The following RNF170 variants were observed in gnomAD, a reference collection of about 807,000 sequenced individuals.
RNF170 encodes the protein ring finger protein 170, also known as E3 ubiquitin-protein ligase RNF170.
RNF170 carries 12 observed loss-of-function variants against 32.7 expected under a neutral mutation model. That is an observed-to-expected ratio of 0.37 (90% CI 0.24 to 0.60). The LOEUF (loss-of-function observed/expected upper bound fraction) is 0.60. RNF170 is among the 20% of genes least tolerant of loss of function. The pLI, the probability that RNF170 is intolerant of heterozygous loss-of-function variation, is 0.72. For missense variants in RNF170, 212 were observed against 311.2 expected, an observed-to-expected ratio of 0.68 and a Z score of 2.40; for synonymous variants, 91 against 103.6, an observed-to-expected ratio of 0.88 and a Z score of 0.74.
intron 2 of RNF170, among the ~76,000 whole-genome samples, chr8:42,886,980 C>T (rs1805878321): frequency 6.6e-6 from 1 of 151,748 alleles, no homozygotes; most frequent in Non-Finnish European, 1.5e-5. Context: ...CTAGCGAAAT[C>T]CTGTCTCTAC....
At chr8:42,890,755 C>T (rs1292004321) in intron 1 of RNF170, among the ~76,000 whole-genome samples, 1 of 152,104 alleles carries the variant, frequency 6.6e-6, no homozygotes, top group Non-Finnish European at 1.5e-5. Context: ...GAAATCCCAA[C>T]AAAAGCCAGG....
rs1411550392 is a variant in RNF170, at chr8:42,876,136, C to T, written c.138-2130G>A. Among the ~76,000 whole-genome samples, 5 of 151,764 alleles carry T rather than the reference C, an allele frequency of 3.3e-5. No individual in the cohort carries two copies. The East Asian group carries it at 5.8e-4, about 18-fold the overall frequency. On this transcript the variant is annotated intron_variant, in intron 2 of 6. Transcript: ENST00000527424. ...CATTTCAGAATACAGACATGAACCACGTGACTGGAAAGCCTCTCCTCTGGC... is the reference window on the plus strand; with the variant it reads ...CATTTCAGAATACAGACATGAACCATGTGACTGGAAAGCCTCTCCTCTGGC...
chr8:42,869,883 A>AC, intron 4 of RNF170, 121 bp downstream of exon 4: 1 of 727,296 alleles, frequency 1.4e-6, no homozygotes, highest in Non-Finnish European at 2.5e-6. Context: ...TATCAGAGGT[A>AC]ATCTACCCTA....
chr8:42,852,267 C>CTTTTCTTG (rs1263290335), downstream of RNF170, among the ~76,000 whole-genome samples: 1 of 152,084 alleles, frequency 6.6e-6, no homozygotes, highest in Admixed American at 6.6e-5. Flanking sequence ...TCCTTGTTCC[C>CTTTTCTTG]TTTTCTTGTT....
chr8:42,876,810 C>G (rs1233270778), intron 2 of RNF170, among the ~76,000 whole-genome samples: 1 of 151,888 alleles, frequency 6.6e-6, no homozygotes, highest in Non-Finnish European at 1.5e-5. Flanking sequence ...TAGCTGCACG[C>G]CACCACACCC....
intron 2 of RNF170, among the ~76,000 whole-genome samples, chr8:42,884,425 T>C (rs80115034): frequency 2.2e-4 from 33 of 152,176 alleles, no homozygotes; most frequent in Non-Finnish European, 3.4e-4. Flanking sequence ...AAATTAAAAT[T>C]TTAATTCTTT....
At chr8:42,885,134 C>A (rs116991899) in intron 2 of RNF170, among the ~76,000 whole-genome samples, 1 of 151,800 alleles carries the variant, frequency 6.6e-6, no homozygotes, top group African/African-American at 2.4e-5. Flanking sequence ...TAAGTGGGAT[C>A]GTGCAGTATT....
chr8:42,864,951 A>G (rs1468198840), intron 5 of RNF170, among the ~76,000 whole-genome samples: 1 of 150,414 alleles, frequency 6.6e-6, no homozygotes, highest in African/African-American at 2.5e-5. Flanking sequence ...GGCCGGGTAC[A>G]GTTTAAAAAA....
Position 42,870,148 on chromosome 8 carries a change from C to T in RNF170, c.214-36G>A, listed in dbSNP as rs372437772. On this transcript the variant is annotated intron_variant, in intron 3 of 6. Coordinates refer to ENST00000527424, the MANE Select transcript of RNF170 (RefSeq NM_030954.4). Reference sequence around the variant, plus strand: ...CACAGGTGCACACATTGGAACACAACACATGTGGCCCTCAACAGTATCTCA... The same window carrying T: ...CACAGGTGCACACATTGGAACACAATACATGTGGCCCTCAACAGTATCTCA... 299 of 1,419,420 alleles carry T rather than the reference C, an allele frequency of 2.1e-4. 2 individuals carry two copies. The highest frequency in any genetic ancestry group is 5.2e-4 in the South Asian group (45 of 86,362). 87.9% of individuals were successfully genotyped at this position (1,419,420 alleles called of 1,614,324 possible).
intron 1 of RNF170, among the ~76,000 whole-genome samples, chr8:42,890,797 A>C (rs1364352657): frequency 2.6e-5 from 4 of 152,126 alleles, no homozygotes; most frequent in Non-Finnish European, 5.9e-5. Flanking sequence ...ATGCCATTTG[A>C]CCTGCTTGTT....
In RNF170 at chr8:42,875,096, C is replaced by T. The variant is rs535316571; in HGVS notation, c.138-1090G>A. Among the ~76,000 whole-genome samples the T allele has an allele frequency of 9.3e-5, 14 of 150,828 alleles. No homozygotes were observed. The East Asian group carries it at 2.2e-3, about 23-fold the overall frequency. On this transcript the variant is annotated intron_variant, in intron 2 of 6. Transcript: ENST00000527424. Reference sequence around the variant, plus strand: ...TGAGGCAGAAGAATCGCTTAAACCCCGGAGGTGGAGGTTGCGGTGATCTGA... The same window carrying T: ...TGAGGCAGAAGAATCGCTTAAACCCTGGAGGTGGAGGTTGCGGTGATCTGA...
chr8:42,855,075 C>A lies in RNF170; in HGVS notation c.*1084G>T, dbSNP rs1033524722. 2.3e-6 allele frequency: 3 copies of A among 1,287,128 alleles called. No individual in the cohort carries two copies. The highest frequency in any genetic ancestry group is 3.0e-6 in the Non-Finnish European group (3 of 988,708). The allele number at this position is 1,287,128 out of a possible 1,614,324, so 79.7% of individuals were successfully genotyped here. On this transcript the variant is annotated 3_prime_UTR_variant, in exon 7 of 7. Transcript: ENST00000527424. ...CGAAGATTCACCTTCCTCAGAAATG[C>A]ATCAGGCTACTCTGTGTTTGCAGCA...
In RNF170 at chr8:42,856,416, T is replaced by A; in HGVS notation, c.520A>T (p.Ile174Phe). The A allele has an allele frequency of 6.2e-7, 1 of 1,611,100 alleles. No homozygotes were observed. Among genetic ancestry groups the A allele is most frequent in the Non-Finnish European group, 8.5e-7 (1 of 1,178,654 alleles). ...SGQPRSIMERIMDLPTLLRHA... is the reference protein window; with the variant it reads ...SGQPRSIMERFMDLPTLLRHA... ...CTCAGTAAAGTGGGTAGATCCATAA[T>A]TCTCTCCATAATCTGGTAGAGGGAA... The change falls in exon 7 of 7, where the codon ATT becomes TTT. Residue 174 changes from isoleucine (I) to phenylalanine (F), a missense_variant. By Grantham distance (21) the Ile-to-Phe change is conservative. Around this residue, in one of 2 missense-constraint regions of RNF170, gnomAD observed 97 missense variants for 178.9 expected, o/e 0.54. Transcript: ENST00000527424.
Position 42,887,860 on chromosome 8 carries a change from G to T in RNF170, c.5C>A (p.Ala2Asp), listed in dbSNP as rs1330018531. 6.2e-7 allele frequency: 1 copy of T among 1,613,514 alleles called. No individual in the cohort carries two copies. The highest frequency in any genetic ancestry group is 1.1e-5 in the South Asian group (1 of 91,070). The change falls in exon 2 of 7, where the codon GCC (alanine) becomes GAC (aspartate). Residue 2 changes from alanine (A) to aspartate (D), a missense_variant. Coordinates refer to ENST00000527424, the MANE Select transcript of RNF170 (RefSeq NM_030954.4). ...ACTTTGAACTTCACCTTGATATTTGGCCATTCCAGGTCTAAAATAAGAAGA... is the reference window on the plus strand; with the variant it reads ...ACTTTGAACTTCACCTTGATATTTGTCCATTCCAGGTCTAAAATAAGAAGA... Reference protein sequence around the residue: MAKYQGEVQSLK... With the variant: MDKYQGEVQSLK...
chr8:42,878,463 T>A (rs1351301320), intron 2 of RNF170, among the ~76,000 whole-genome samples: 2 of 152,166 alleles, frequency 1.3e-5, no homozygotes, highest in Non-Finnish European at 2.9e-5. Context: ...GGATAGAAGA[T>A]CAAACCAGCC....
Position 42,853,773 on chromosome 8 carries a change from A to G in RNF170, c.*2386T>C, listed in dbSNP as rs1208002222. ...GAGATCGGTAAAGATGACAACAAGCAGGTCTAAAGTTCTGAGATGTTAGCA... is the reference window on the plus strand; with the variant it reads ...GAGATCGGTAAAGATGACAACAAGCGGGTCTAAAGTTCTGAGATGTTAGCA... On this transcript the variant is annotated 3_prime_UTR_variant, in exon 7 of 7. Transcript: ENST00000527424. 1 of 1,287,204 alleles carries G rather than the reference A, an allele frequency of 7.8e-7. No homozygotes were observed. Among genetic ancestry groups the G allele is most frequent in the Admixed American group, 2.3e-5 (1 of 43,556 alleles). 79.7% of individuals were successfully genotyped at this position (1,287,204 alleles called of 1,614,324 possible).
At position 42,854,426 on chromosome 8, in the gene RNF170, G is replaced by A. The variant is rs1237476308; in HGVS notation, c.*1733C>T. The A allele has an allele frequency of 7.8e-7, 1 of 1,287,178 alleles. No homozygotes were observed. Among genetic ancestry groups the A allele is most frequent in the Admixed American group, 2.3e-5 (1 of 43,548 alleles). The allele number at this position is 1,287,178 out of a possible 1,614,324, so 79.7% of individuals were successfully genotyped here. ...TAGCATGGGGATTGTATCTATGAAA[G>A]GGAAGTTGGTGTCCTGCGTTCCTCA... On this transcript the variant is annotated 3_prime_UTR_variant, in exon 7 of 7. Coordinates refer to ENST00000527424, the MANE Select transcript of RNF170 (RefSeq NM_030954.4).
chr8:42,866,384 C>CA (rs1324804335), intron 4 of RNF170, among the ~76,000 whole-genome samples: 4 of 151,656 alleles, frequency 2.6e-5, no homozygotes, highest in African/African-American at 9.7e-5. Context: ...TACAAAAATA[C>CA]AAAAAAATTA....
In RNF170 at chr8:42,854,752, T is replaced by G. The variant is rs574360050; in HGVS notation, c.*1407A>C. 1.1e-3 allele frequency: 1,446 copies of G among 1,287,452 alleles called. 6 individuals are homozygous for G. Among genetic ancestry groups the G allele is most frequent in the South Asian group, 6.2e-3 (504 of 80,942 alleles). 79.8% of individuals were successfully genotyped at this position (1,287,452 alleles called of 1,614,324 possible). A position where few individuals can be genotyped will look rare whatever the true frequency, so the allele number is the denominator to read the frequency against. On this transcript the variant is annotated 3_prime_UTR_variant, in exon 7 of 7. Coordinates refer to ENST00000527424, the MANE Select transcript of RNF170 (RefSeq NM_030954.4). ...CTCAGATGACAATGCTAACACTGACTCCTGGGCATCCCCTCACATCCTGCT... is the reference window on the plus strand; with the variant it reads ...CTCAGATGACAATGCTAACACTGACGCCTGGGCATCCCCTCACATCCTGCT...
Sources: gnomAD v4.1 joint callset for allele counts (sites outside exome capture counted in the v4.1 genomes callset) on GRCh38, gnomAD v4.1.1 for gene constraint, gnomAD v4.1.1 regional missense constraint, MANE v1.5 for transcripts, NCBI Gene and HGNC (gene_info 2026-07-23, HGNC 2026-07-21) for gene names.